WWOX: variants seen among roughly 807,000 people sequenced by gnomAD.
WWOX encodes WW domain-containing oxidoreductase.
A neutral mutation model predicts 46.2 loss-of-function variants in WWOX; 69 were observed. That is an observed-to-expected ratio of 1.49 (90% CI 1.23 to 1.82). The LOEUF is 1.82. Among genes scored for constraint, WWOX ranks in the 40% most tolerant of loss-of-function variants. The pLI is 0.00. For missense variants in WWOX, 919 were observed against 542.6 expected, an observed-to-expected ratio of 1.69 and a Z score of -6.89; for synonymous variants, 359 against 202.6, an observed-to-expected ratio of 1.77 and a Z score of -6.56.
At chr16:78,168,021 G>T (rs946280956) in intron 5 of WWOX, 1 of 152,166 alleles carries the variant, frequency 6.6e-6, no homozygotes, top group Non-Finnish European at 1.5e-5. Context: ...AATCACATCA[G>T]TGTCGGGGCC....
chr16:79,040,422 C>T (rs1246364687), intron 8 of WWOX, among the ~76,000 whole-genome samples: 3 of 151,910 alleles, frequency 2.0e-5, no homozygotes, highest in Admixed American at 6.6e-5. Context: ...CCACAGGATG[C>T]ACCACCATGG....
chr16:78,723,575 T>C (rs1449859310), intron 8 of WWOX, among the ~76,000 whole-genome samples: 1 of 21,228 alleles, frequency 4.7e-5, no homozygotes, highest in African/African-American at 5.9e-4. Context: ...TTCTTTTCTT[T>C]TCTTTTCTTT....
chr16:78,506,993 C>T (rs1048081295), intron 8 of WWOX, among the ~76,000 whole-genome samples: 9 of 152,128 alleles, frequency 5.9e-5, no homozygotes, highest in East Asian at 3.9e-4. Context: ...GGATCACAGG[C>T]GTGAGCCACC....
chr16:79,128,946 C>G (rs1405960381), intron 8 of WWOX, among the ~76,000 whole-genome samples: 5 of 152,170 alleles, frequency 3.3e-5, no homozygotes, highest in African/African-American at 1.2e-4. Flanking sequence ...GTGAAGGGAG[C>G]TGAGGCATCA....
intron 8 of WWOX, among the ~76,000 whole-genome samples, chr16:78,815,888 A>G (rs1331427142): frequency 6.6e-6 from 1 of 152,068 alleles, no homozygotes; most frequent in Non-Finnish European, 1.5e-5. Context: ...GACTTCCAAG[A>G]TATATACAGG....
At chr16:78,619,176 T>A (rs1382492455) in intron 8 of WWOX, among the ~76,000 whole-genome samples, 181 of 8,138 alleles carry the variant, frequency 0.022, 62 homozygotes, top group Middle Eastern at 0.091. Flanking sequence ...TATATATATA[T>A]ATATATATAT....
At chr16:78,751,269 C>T (rs1037452013) in intron 8 of WWOX, among the ~76,000 whole-genome samples, 2 of 151,492 alleles carry the variant, frequency 1.3e-5, no homozygotes, top group Non-Finnish European at 2.9e-5. Flanking sequence ...TACCTGGAAA[C>T]TTTATGAATT....
chr16:79,128,378 AC>A (rs2049804535), intron 8 of WWOX, among the ~76,000 whole-genome samples: 1 of 151,632 alleles, frequency 6.6e-6, no homozygotes, highest in African/African-American at 2.4e-5. Context: ...AAAACAAAAA[AC>A]AAAAAACAAA....
At chr16:78,276,714 T>C (rs186323975) in intron 5 of WWOX, among the ~76,000 whole-genome samples, 2 of 152,342 alleles carry the variant, frequency 1.3e-5, no homozygotes, top group East Asian at 3.9e-4. Context: ...TGTAAAATTT[T>C]AGCCCATTAA....
intron 8 of WWOX, among the ~76,000 whole-genome samples, chr16:79,208,274 C>T (rs1399824688): frequency 3.3e-5 from 5 of 152,074 alleles, no homozygotes; most frequent in East Asian, 1.9e-4. Context: ...AGTCCTGTGT[C>T]GTCAACAACC....
At chr16:79,199,051 C>G (rs181268538) in intron 8 of WWOX, among the ~76,000 whole-genome samples, 24 of 152,154 alleles carry the variant, frequency 1.6e-4, no homozygotes, top group Admixed American at 1.1e-3. Context: ...GGGCTTCAGT[C>G]CCCGGTGTTT....
chr16:78,721,949 C>G (rs2048702641), intron 8 of WWOX, among the ~76,000 whole-genome samples: 1 of 152,350 alleles, frequency 6.6e-6, no homozygotes, highest in East Asian at 1.9e-4. Flanking sequence ...TCCTTTGCTA[C>G]TTTTTGCCTA....
intron 8 of WWOX, among the ~76,000 whole-genome samples, chr16:78,556,086 A>G (rs2044288478): frequency 6.6e-6 from 1 of 152,080 alleles, no homozygotes; most frequent in African/African-American, 2.4e-5. Flanking sequence ...AGATTCATTC[A>G]TTGTTCCATA....
chr16:78,256,902 A>G (rs2038146972), intron 5 of WWOX, among the ~76,000 whole-genome samples: 1 of 152,086 alleles, frequency 6.6e-6, no homozygotes, highest in African/African-American at 2.4e-5. Context: ...TACAGACTGA[A>G]CAACCATACA....
At chr16:78,845,458 A>C (rs1458458493) in intron 8 of WWOX, among the ~76,000 whole-genome samples, 1 of 152,176 alleles carries the variant, frequency 6.6e-6, no homozygotes, top group Non-Finnish European at 1.5e-5. Context: ...ATATGTCCTT[A>C]TGGCCACAAA....
intron 8 of WWOX, among the ~76,000 whole-genome samples, chr16:79,085,261 C>G (rs1025636297): frequency 2.0e-5 from 3 of 152,088 alleles, no homozygotes; most frequent in African/African-American, 4.8e-5. Flanking sequence ...TCCAAACCAC[C>G]TTCTGGAGGT....
intron 8 of WWOX, among the ~76,000 whole-genome samples, chr16:78,664,012 G>A (rs1162038491): frequency 6.6e-6 from 1 of 152,186 alleles, no homozygotes; most frequent in African/African-American, 2.4e-5. Flanking sequence ...ACTATTGGGA[G>A]GTGGTAAGCA....
chr16:79,087,729 C>A (rs1047273072), intron 8 of WWOX, among the ~76,000 whole-genome samples: 1 of 152,216 alleles, frequency 6.6e-6, no homozygotes, highest in Non-Finnish European at 1.5e-5. Flanking sequence ...TTGGTACTTG[C>A]AACACTTTCT....
chr16:78,784,011 G>A (rs2050395358), intron 8 of WWOX, among the ~76,000 whole-genome samples: 1 of 152,208 alleles, frequency 6.6e-6, no homozygotes, highest in Non-Finnish European at 1.5e-5. Context: ...ATGGTGGGAT[G>A]ATGTTGATGT....
Sources: gnomAD v4.1 joint callset for allele counts (sites outside exome capture counted in the v4.1 genomes callset) on GRCh38, gnomAD v4.1.1 for gene constraint, MANE v1.5 for transcripts, NCBI Gene and HGNC (gene_info 2026-07-23, HGNC 2026-07-21) for gene names.